Variants in GRIP1 observed in about 807,000 individuals in gnomAD.
The protein encoded by GRIP1 is glutamate receptor interacting protein 1.
Under a neutral mutation model 129.9 loss-of-function variants are expected in GRIP1, and 45 were observed. The ratio of observed to expected loss-of-function variants is 0.35; its 90% CI spans 0.27 to 0.44. The LOEUF is 0.44. GRIP1 is among the 20% of genes least tolerant of loss of function. The pLI, the probability that GRIP1 is intolerant of heterozygous loss-of-function variation, is 1.00. For synonymous variants in GRIP1, 530 were observed against 520.8 expected (o/e 1.02, Z -0.24); for missense variants, 1,196 against 1,396.8 (o/e 0.86, Z 2.29).
At chr12:66,784,061 C>T (rs1592841906) in intron 1 of GRIP1, among the ~76,000 whole-genome samples, 2 of 152,162 alleles carry the variant, frequency 1.3e-5, no homozygotes, top group East Asian at 3.9e-4. Context: ...TAATTAAGAA[C>T]AGAGGGACAG....
At chr12:66,401,431 T>G (rs1204401912) in intron 16 of GRIP1, among the ~76,000 whole-genome samples, 2 of 151,480 alleles carry the variant, frequency 1.3e-5, no homozygotes, top group East Asian at 3.9e-4. Flanking sequence ...TACAAAAAAT[T>G]AGCTGGGCAT....
intron 1 of GRIP1, among the ~76,000 whole-genome samples, chr12:66,832,433 A>C (rs2137021393): frequency 6.6e-6 from 1 of 152,268 alleles, no homozygotes; most frequent in South Asian, 2.1e-4. Context: ...TCATCCTTCT[A>C]AATCAATGCT....
At chr12:66,670,224 G>A (rs1192375629) in intron 1 of GRIP1, among the ~76,000 whole-genome samples, 1 of 152,184 alleles carries the variant, frequency 6.6e-6, no homozygotes, top group Admixed American at 6.5e-5. Flanking sequence ...TTATAACCCT[G>A]CCTTTCAACT....
chr12:66,663,053 G>A (rs190671900), intron 1 of GRIP1, among the ~76,000 whole-genome samples: 1 of 152,248 alleles, frequency 6.6e-6, no homozygotes, highest in African/African-American at 2.4e-5. Context: ...AAATGGTATA[G>A]CATCCCCTTT....
At chr12:66,594,806 T>C (rs1275426361) in intron 2 of GRIP1, among the ~76,000 whole-genome samples, 5 of 152,218 alleles carry the variant, frequency 3.3e-5, no homozygotes, top group Non-Finnish European at 5.9e-5. Flanking sequence ...TTCTGGATGT[T>C]GGGTTTCACC....
chr12:66,537,785 T>A (rs2061651234), intron 4 of GRIP1, among the ~76,000 whole-genome samples: 1 of 152,200 alleles, frequency 6.6e-6, no homozygotes, highest in Non-Finnish European at 1.5e-5. Flanking sequence ...GAGTAGGTTG[T>A]AAGTTTTCCA....
intron 1 of GRIP1, among the ~76,000 whole-genome samples, chr12:67,013,947 A>C (rs1024617315): frequency 9.2e-5 from 14 of 152,212 alleles, no homozygotes; most frequent in Non-Finnish European, 5.9e-5. Context: ...CAAGATTTCT[A>C]CTAAGAATTC....
Position 66,348,079 on chromosome 12 carries a change from C to T in GRIP1, c.*940G>A, listed in dbSNP as rs2054056046. On this transcript the variant is annotated 3_prime_UTR_variant, in exon 25 of 25. Transcript: ENST00000359742. Reference sequence around the variant, plus strand: ...ATGTATTTACAATTTCGGTAAGTGGCATGGCTCAGAGCAAAAGATAGTCCA... The same window carrying T: ...ATGTATTTACAATTTCGGTAAGTGGTATGGCTCAGAGCAAAAGATAGTCCA... The T allele has an allele frequency of 6.6e-6, 1 of 152,158 alleles. No homozygotes were observed. The allele number at this position is 152,158 out of a possible 1,614,324, so 9.4% of individuals were successfully genotyped here.
chr12:66,814,636 T>C (rs886694130), intron 1 of GRIP1, among the ~76,000 whole-genome samples: 1 of 149,774 alleles, frequency 6.7e-6, no homozygotes, highest in Admixed American at 6.7e-5. Context: ...GAAGCTTACA[T>C]TCTGGGGGGA....
chr12:67,017,949 T>C (rs896311337), intron 1 of GRIP1, among the ~76,000 whole-genome samples: 10 of 152,322 alleles, frequency 6.6e-5, no homozygotes, highest in African/African-American at 2.2e-4. Context: ...TTCTGAGAGA[T>C]AATAATTGCT....
intron 7 of GRIP1, among the ~76,000 whole-genome samples, chr12:66,514,894 AG>A (rs1204689228): frequency 2.0e-5 from 3 of 152,158 alleles, no homozygotes; most frequent in East Asian, 1.9e-4. Context: ...GATAATTGTA[AG>A]GTTTACTCAC....
chr12:66,606,075 G>A (rs940891701), intron 1 of GRIP1, among the ~76,000 whole-genome samples: 11 of 152,108 alleles, frequency 7.2e-5, no homozygotes, highest in South Asian at 2.1e-4. Flanking sequence ...TCCCTCTCTC[G>A]TGTCTTAAGT....
intron 7 of GRIP1, among the ~76,000 whole-genome samples, chr12:66,478,834 A>G (rs1451291317): frequency 1.3e-5 from 2 of 152,166 alleles, no homozygotes; most frequent in Admixed American, 1.3e-4. Context: ...AACAATGAGA[A>G]CACTTGGACA....
In GRIP1 at chr12:66,522,578, A is replaced by C. The variant is rs1304765480; in HGVS notation, c.503-4602T>G. Among the ~76,000 whole-genome samples, 3 of 152,210 alleles carry C rather than the reference A, an allele frequency of 2.0e-5. No individual in the cohort carries two copies. In the East Asian group the frequency reaches 5.8e-4, roughly 29 times the overall value. On this transcript the variant is annotated intron_variant, in intron 5 of 24. Coordinates refer to ENST00000359742, the MANE Select transcript of GRIP1 (RefSeq NM_001366722.1). The stretch of plus-strand genomic sequence containing the variant: ...ACCAAAAGTAGATAAAACCACAAAG[A>C]TGGGGAAAAAACAGAGCAGAAAAAC...
intron 1 of GRIP1, among the ~76,000 whole-genome samples, chr12:66,868,187 T>G (rs1484538812): frequency 1.3e-5 from 2 of 152,082 alleles, no homozygotes; most frequent in Non-Finnish European, 2.9e-5. Context: ...TAAACATACC[T>G]TATCAGAAGA....
At chr12:66,932,600 T>TAA (rs757506882) in intron 1 of GRIP1, among the ~76,000 whole-genome samples, 4 of 143,184 alleles carry the variant, frequency 2.8e-5, no homozygotes, top group Non-Finnish European at 4.6e-5. Flanking sequence ...TAGGATTATT[T>TAA]AAAAAAAAAA....
At position 66,832,650 on chromosome 12, in the gene GRIP1, G is replaced by A. The variant is rs185485761; in HGVS notation, c.59-235723C>T. Among the ~76,000 whole-genome samples the A allele has an allele frequency of 6.6e-5, 10 of 152,266 alleles. 2 individuals are homozygous for A. The South Asian group carries it at 1.7e-3, about 25-fold the overall frequency. On this transcript the variant is annotated intron_variant, in intron 1 of 1. Transcript: ENST00000643019. Reference sequence around the variant, plus strand: ...ACTAAGCTGGTTATAGTGAGGTGTTGAAGAAAATATCCAAATTATAAATAT... The same window carrying A: ...ACTAAGCTGGTTATAGTGAGGTGTTAAAGAAAATATCCAAATTATAAATAT...
chr12:66,650,805 T>C (rs1466906599), intron 1 of GRIP1, among the ~76,000 whole-genome samples: 3 of 152,180 alleles, frequency 2.0e-5, no homozygotes, highest in Non-Finnish European at 2.9e-5. Context: ...AAATCTCTAT[T>C]GTCAATGTAG....
intron 5 of GRIP1, among the ~76,000 whole-genome samples, chr12:66,519,327 G>GA (rs1324413466): frequency 1.3e-5 from 2 of 151,994 alleles, no homozygotes; most frequent in Non-Finnish European, 2.9e-5. Context: ...CACTTTCTCA[G>GA]AAAAAAATTT....
Sources: allele counts gnomAD v4.1 joint callset (sites outside exome capture counted in the v4.1 genomes callset), GRCh38; gene constraint gnomAD v4.1.1; transcripts MANE v1.5; gene names NCBI Gene and HGNC (gene_info 2026-07-23, HGNC 2026-07-21).